RRN3: variants seen among roughly 807,000 people sequenced by gnomAD.
RRN3 encodes RNA polymerase I transcription factor RRN3.
In RRN3, 38 loss-of-function variants were observed where a neutral mutation model predicts 82.3. The ratio of observed to expected loss-of-function variants is 0.46; its 90% CI spans 0.36 to 0.61. RRN3 has a LOEUF of 0.61. Ranked by LOEUF, RRN3 falls within the 20% of genes least tolerant of loss-of-function variation. The probability of loss-of-function intolerance (pLI) is 0.00; values close to 1 mark genes in which losing one functional copy is unlikely to be tolerated. For synonymous variants in RRN3, 284 were observed against 284.3 expected (o/e 1.00, Z 0.01); for missense variants, 726 against 793.1 (o/e 0.92, Z 1.02).
chr16:15,065,828 A>AGG, intron 15 of RRN3, among the ~76,000 whole-genome samples: 1 of 152,336 alleles, frequency 6.6e-6, no homozygotes, highest in South Asian at 2.1e-4. Context: ...GACTTGCTGA[A>AGG]GAAGCACTGA....
At chr16:15,079,280 T>A (rs1306108251) in intron 9 of RRN3, among the ~76,000 whole-genome samples, 7 of 152,204 alleles carry the variant, frequency 4.6e-5, no homozygotes, top group Non-Finnish European at 8.8e-5. Flanking sequence ...CTTCCTTTCA[T>A]TCCCACTGCA....
At chr16:15,085,976 A>AT (rs1463376573) in intron 5 of RRN3, among the ~76,000 whole-genome samples, 153 bp downstream of exon 5, 3 of 152,224 alleles carry the variant, frequency 2.0e-5, no homozygotes, top group African/African-American at 7.2e-5. Context: ...AGACACCTCC[A>AT]TAGGGGTCAT....
chr16:15,089,089 G>T (rs1324051454), intron 3 of RRN3, among the ~76,000 whole-genome samples: 4 of 151,890 alleles, frequency 2.6e-5, no homozygotes, highest in African/African-American at 9.7e-5. Context: ...GATCACTTGA[G>T]GTCAGGAGTT....
intron 9 of RRN3, among the ~76,000 whole-genome samples, chr16:15,077,966 T>C (rs2045536852): frequency 1.3e-5 from 2 of 152,224 alleles, no homozygotes; most frequent in Non-Finnish European, 2.9e-5. Flanking sequence ...AATAAACATA[T>C]CGTCAATCAA....
At chr16:15,066,423 A>G (rs1364744461) in intron 15 of RRN3, among the ~76,000 whole-genome samples, 1 of 152,118 alleles carries the variant, frequency 6.6e-6, no homozygotes, top group Non-Finnish European at 1.5e-5. Flanking sequence ...ACTTGAGCTC[A>G]GGAGTTTGAG....
At chr16:15,091,415 G>A in intron 2 of RRN3, 44 bp from the exon 3 acceptor site, 4 of 1,403,112 alleles carry the variant, frequency 2.9e-6, no homozygotes, top group Non-Finnish European at 3.0e-6. Flanking sequence ...TTTGTTTCCT[G>A]TTTAGTATCA....
chr16:15,081,541 T>C lies in RRN3; in HGVS notation c.667-1445A>G, dbSNP rs537023698. Among the ~76,000 whole-genome samples the C allele has an allele frequency of 1.7e-3, 261 of 152,362 alleles. 1 individual carries two copies. The highest frequency in any genetic ancestry group is 6.2e-3 in the African/African-American group (256 of 41,584). ...ACTTCAGTTGGGCTATTTGCCCTTTTATTATTCAATTATAAGAGTTCTTTA... is the reference window on the plus strand; with the variant it reads ...ACTTCAGTTGGGCTATTTGCCCTTTCATTATTCAATTATAAGAGTTCTTTA... On this transcript the variant is annotated intron_variant, in intron 8 of 17. Transcript: ENST00000198767.
intron 9 of RRN3, among the ~76,000 whole-genome samples, chr16:15,077,398 A>G (rs141776989): frequency 0.075 from 11,417 of 152,110 alleles, 549 homozygotes; most frequent in Middle Eastern, 0.12. Context: ...GTGATAGTGA[A>G]TAAGTCTCAA....
intron 1 of RRN3, chr16:15,093,803 C>G: frequency 8.5e-6 from 3 of 354,160 alleles, no homozygotes; most frequent in Non-Finnish European, 1.5e-5. Flanking sequence ...CGGCTGATAA[C>G]CCACATAGCC....
At chr16:15,064,214 C>T (rs867901471) in intron 16 of RRN3, among the ~76,000 whole-genome samples, 5 of 151,806 alleles carry the variant, frequency 3.3e-5, no homozygotes, top group South Asian at 2.1e-4. Context: ...CTCACTCTCT[C>T]GCCCAGGCTG....
intron 8 of RRN3, among the ~76,000 whole-genome samples, chr16:15,083,071 G>A (rs1398351583): frequency 2.6e-5 from 4 of 152,200 alleles, no homozygotes; most frequent in Admixed American, 6.5e-5. Context: ...ATTCTTAGAC[G>A]TCAGTTTAAA....
chr16:15,084,160 C>T (rs1433317810), intron 7 of RRN3, among the ~76,000 whole-genome samples: 1 of 152,154 alleles, frequency 6.6e-6, no homozygotes, highest in Non-Finnish European at 1.5e-5. Flanking sequence ...GCTGACATTT[C>T]CCACTACACA....
At chr16:15,084,832 G>C (rs1356566720) in intron 6 of RRN3, 127 bp from the exon 7 acceptor site, 7 of 685,034 alleles carry the variant, frequency 1.0e-5, no homozygotes, top group Admixed American at 9.5e-5. Flanking sequence ...TTGGGAGGCC[G>C]AGGTGGGTGG....
chr16:15,091,275 G>A, intron 3 of RRN3, 40 bp downstream of exon 3: 1 of 1,604,382 alleles, frequency 6.2e-7, no homozygotes, highest in Non-Finnish European at 8.5e-7. Context: ...TGTATACAGT[G>A]GCAATAATTT....
chr16:15,063,673 C>A (rs2044819278), intron 16 of RRN3, among the ~76,000 whole-genome samples: 2 of 141,524 alleles, frequency 1.4e-5, no homozygotes, highest in African/African-American at 5.3e-5. Context: ...CCACTGCACT[C>A]CAGCCTGGGA....
chr16:15,064,529 G>C (rs1422751763), intron 16 of RRN3, among the ~76,000 whole-genome samples: 1 of 152,142 alleles, frequency 6.6e-6, no homozygotes, highest in Non-Finnish European at 1.5e-5. Flanking sequence ...GTCTCTAGAG[G>C]AAGGAACAAG....
chr16:15,082,630 G>A (rs1436237901), intron 8 of RRN3, among the ~76,000 whole-genome samples: 1 of 151,560 alleles, frequency 6.6e-6, no homozygotes, highest in Non-Finnish European at 1.5e-5. Flanking sequence ...CTGAGATGGT[G>A]CCACTGCACT....
At chr16:15,090,784 A>G (rs1206770866) in intron 3 of RRN3, among the ~76,000 whole-genome samples, 1 of 152,192 alleles carries the variant, frequency 6.6e-6, no homozygotes, top group Non-Finnish European at 1.5e-5. Context: ...AAAACTGGGC[A>G]GTAAAGGAAG....
In RRN3 at chr16:15,094,094, C is replaced by G. The variant is rs756153921; in HGVS notation, c.89+51G>C. ...CCTTTCAATCCGCTCCTCTAAGCGC[C>G]GTCCTGAGCTTTCGTCCCAGATACG... On this transcript the variant is annotated intron_variant, in intron 1 of 17. Transcript: ENST00000198767. 3 of 1,492,156 alleles carry G rather than the reference C, an allele frequency of 2.0e-6. No individual in the cohort carries two copies. The East Asian group carries it at 7.2e-5, about 36-fold the overall frequency. The allele number at this position is 1,492,156 out of a possible 1,614,324, so 92.4% of individuals were successfully genotyped here. A position where few individuals can be genotyped will look rare whatever the true frequency, so the allele number is the denominator to read the frequency against.
Sources: allele counts gnomAD v4.1 joint callset (sites outside exome capture counted in the v4.1 genomes callset), GRCh38; gene constraint gnomAD v4.1.1; transcripts MANE v1.5; gene names NCBI Gene and HGNC (gene_info 2026-07-23, HGNC 2026-07-21).